The following USH2A variants were observed in gnomAD, a reference collection of about 807,000 sequenced individuals.
USH2A encodes the protein usherin, also known as Usher syndrome 2A (autosomal recessive, mild).
USH2A carries 443 observed loss-of-function variants against 538.9 expected under a neutral mutation model. The observed-to-expected ratio is 0.82, with a 90% CI of 0.76 to 0.89. USH2A has a LOEUF of 0.89. Among genes scored for constraint, USH2A ranks in the 40% least tolerant of loss-of-function variants. The pLI, the probability that USH2A is intolerant of heterozygous loss-of-function variation, is 0.00. For synonymous variants in USH2A, 2,413 were observed against 2,273.5 expected (o/e 1.06, Z -1.75); for missense variants, 6,633 against 6,324.8 (o/e 1.05, Z -1.65).
At position 216,180,814 on chromosome 1, in the gene USH2A, G is replaced by C. The variant is rs150889695; in HGVS notation, c.4397-5332C>G. ...AATAGAATATGATTTTGACTTTTTC[G>C]CAGAAATGCAAAACTATGCCAGGAA... On this transcript the variant is annotated intron_variant, in intron 20 of 71. Transcript: ENST00000307340. Among the ~76,000 whole-genome samples, 369 of 152,048 alleles carry C rather than the reference G, an allele frequency of 2.4e-3. 11 individuals are homozygous for C. The East Asian group carries it at 0.024, about 10-fold the overall frequency.
chr1:216,417,389 A>G (rs1011021834), intron 3 of USH2A, among the ~76,000 whole-genome samples: 1 of 152,100 alleles, frequency 6.6e-6, no homozygotes, highest in Non-Finnish European at 1.5e-5. Flanking sequence ...GAGAGCTCAT[A>G]CTGGAAACTG....
At chr1:215,812,156 T>C (rs1662714880) in intron 49 of USH2A, among the ~76,000 whole-genome samples, 1 of 151,510 alleles carries the variant, frequency 6.6e-6, no homozygotes. Context: ...GTTAATTTTT[T>C]GTATTTTTTA....
rs17025432 is a variant in USH2A at position 215,794,515 on chromosome 1, T to C, written c.9959-4233A>G. ...TGGATATTCTGGAAGGTCATTAAGG[T>C]CACAGTCATTAGGGGCTACAGGAGT... On this transcript the variant is annotated intron_variant, in intron 50 of 71. Coordinates refer to ENST00000307340, the MANE Select transcript of USH2A (RefSeq NM_206933.4). Among the ~76,000 whole-genome samples, 11,175 of 152,098 alleles carry C rather than the reference T, an allele frequency of 0.073. 789 individuals are homozygous for C. The highest frequency in any genetic ancestry group is 0.36 in the East Asian group (1,837 of 5,166).
chr1:215,906,143 A>T (rs1161806306), intron 38 of USH2A, among the ~76,000 whole-genome samples: 1 of 152,072 alleles, frequency 6.6e-6, no homozygotes. Context: ...AGGAATATGC[A>T]GATGTGCTAA....
intron 61 of USH2A, among the ~76,000 whole-genome samples, chr1:215,717,031 G>C (rs1659506685): frequency 1.3e-5 from 2 of 152,238 alleles, no homozygotes; most frequent in South Asian, 4.1e-4. Context: ...AATGTCTTCT[G>C]GCTTGGCAGA....
chr1:216,309,162 A>G (rs951387935), intron 9 of USH2A, among the ~76,000 whole-genome samples: 23 of 152,324 alleles, frequency 1.5e-4, no homozygotes, highest in Non-Finnish European at 2.9e-4. Context: ...GGAATTATGG[A>G]CTGATTAGAA....
chr1:215,755,985 A>G (rs2102738661), intron 58 of USH2A, among the ~76,000 whole-genome samples: 1 of 152,342 alleles, frequency 6.6e-6, no homozygotes, highest in East Asian at 1.9e-4. Flanking sequence ...ATTATTTTGA[A>G]AATTGGGGCT....
At chr1:215,809,339 A>G (rs9970162) in intron 49 of USH2A, among the ~76,000 whole-genome samples, 3,198 of 152,240 alleles carry the variant, frequency 0.021, 134 homozygotes, top group African/African-American at 0.074. Flanking sequence ...GCGAAAGCCA[A>G]TACTTTTTTT....
intron 21 of USH2A, among the ~76,000 whole-genome samples, chr1:216,098,244 G>T (rs1316395682): frequency 6.6e-6 from 1 of 152,116 alleles, no homozygotes; most frequent in Admixed American, 6.6e-5. Flanking sequence ...CATTAAAACT[G>T]GTAAGAGACA....
intron 3 of USH2A, among the ~76,000 whole-genome samples, chr1:216,389,449 T>A (rs1014698056): frequency 6.6e-5 from 10 of 152,166 alleles, no homozygotes; most frequent in African/African-American, 2.2e-4. Flanking sequence ...CACATTTAAC[T>A]GCTTATATAG....
chr1:215,724,309 A>T (rs1297447406), intron 61 of USH2A, among the ~76,000 whole-genome samples: 1 of 152,116 alleles, frequency 6.6e-6, no homozygotes, highest in Non-Finnish European at 1.5e-5. Context: ...TGTCTTTTGC[A>T]GCAACATGGA....
chr1:216,139,284 T>G (rs140658021), intron 21 of USH2A, among the ~76,000 whole-genome samples: 3 of 152,000 alleles, frequency 2.0e-5, no homozygotes, highest in Admixed American at 1.3e-4. Flanking sequence ...GGTTTATATC[T>G]GCCCATGTCA....
chr1:216,231,912 C>T, intron 14 of USH2A, 41 bp downstream of exon 14: 1 of 1,612,902 alleles, frequency 6.2e-7, no homozygotes, highest in Non-Finnish European at 8.5e-7. Context: ...TTAACTGTTG[C>T]TAAAGAAAGA....
intron 10 of USH2A, among the ~76,000 whole-genome samples, chr1:216,290,994 C>T (rs986484768): frequency 1.3e-5 from 2 of 152,146 alleles, no homozygotes; most frequent in African/African-American, 2.4e-5. Flanking sequence ...TATTTCTCAC[C>T]TGGACTATTG....
Position 216,323,711 on chromosome 1 carries a change from A to T in USH2A, c.1329-16T>A. On this transcript the variant is annotated splice_polypyrimidine_tract_variant and intron_variant, in intron 7 of 71. Coordinates refer to ENST00000307340, the MANE Select transcript of USH2A (RefSeq NM_206933.4). ...TGGAGTAAAACTGTTAATGAAAGAA[A>T]TTCGATGTCATGAAAATCTATTCAC... is the stretch of plus-strand genomic sequence containing the variant. The T allele has an allele frequency of 6.2e-7, 1 of 1,611,300 alleles. No homozygotes were observed. The highest frequency in any genetic ancestry group is 8.5e-7 in the Non-Finnish European group (1 of 1,177,844).
chr1:216,049,208 G>T (rs1287794647), intron 30 of USH2A, among the ~76,000 whole-genome samples: 1 of 152,108 alleles, frequency 6.6e-6, no homozygotes, highest in Non-Finnish European at 1.5e-5. Context: ...TAACATAGTT[G>T]AACAATTAGC....
chr1:216,262,267 A>T (rs986072838), intron 11 of USH2A, among the ~76,000 whole-genome samples: 23 of 152,152 alleles, frequency 1.5e-4, no homozygotes, highest in Non-Finnish European at 2.6e-4. Context: ...CAAAATAATG[A>T]TGTTAAGGAA....
chr1:216,306,351 C>T (rs2037317002), intron 9 of USH2A, among the ~76,000 whole-genome samples: 1 of 152,058 alleles, frequency 6.6e-6, no homozygotes, highest in African/African-American at 2.4e-5. Flanking sequence ...TCCTTAATTT[C>T]CAGAAATTAT....
At chr1:215,719,074 A>G (rs1174792393) in intron 61 of USH2A, among the ~76,000 whole-genome samples, 1 of 152,188 alleles carries the variant, frequency 6.6e-6, no homozygotes, top group East Asian at 1.9e-4. Flanking sequence ...ATAAACTACT[A>G]TTTGGCATAG....
Sources: gnomAD v4.1 joint callset for allele counts (sites outside exome capture counted in the v4.1 genomes callset) on GRCh38, gnomAD v4.1.1 for gene constraint, MANE v1.5 for transcripts, NCBI Gene and HGNC (gene_info 2026-07-23, HGNC 2026-07-21) for gene names.